Variants in LNP1 observed in about 807,000 individuals in gnomAD.
LNP1 encodes the protein leukemia NUP98 fusion partner 1.
In LNP1, 12 loss-of-function variants were observed where a neutral mutation model predicts 14.5. That is an observed-to-expected ratio of 0.83 (90% CI 0.53 to 1.34). LNP1 has a LOEUF of 1.34. LNP1 is among the 40% of genes most tolerant of loss of function. The probability of loss-of-function intolerance (pLI) is 0.00; values close to 1 mark genes in which losing one functional copy is unlikely to be tolerated. For missense variants in LNP1, 198 were observed against 210.9 expected, an observed-to-expected ratio of 0.94 and a Z score of 0.38; for synonymous variants, 75 against 71.4, an observed-to-expected ratio of 1.05 and a Z score of -0.26.
intron 1 of LNP1, among the ~76,000 whole-genome samples, chr3:100,423,533 A>G (rs1707165100): frequency 6.6e-6 from 1 of 152,228 alleles, no homozygotes; most frequent in East Asian, 1.9e-4. Flanking sequence ...TCATAATTGC[A>G]TAGTCTCCTA....
At chr3:100,413,491 A>G (rs1707049868) in intron 1 of LNP1, among the ~76,000 whole-genome samples, 1 of 152,186 alleles carries the variant, frequency 6.6e-6, no homozygotes, top group South Asian at 2.1e-4. Context: ...GCTCATATGT[A>G]TATTTTTATG....
intron 1 of LNP1, among the ~76,000 whole-genome samples, chr3:100,405,277 T>A (rs948272484): frequency 6.6e-6 from 1 of 152,208 alleles, no homozygotes; most frequent in Non-Finnish European, 1.5e-5. Context: ...AAATTCAACT[T>A]TGTTGTAATA....
chr3:100,454,435 T>C (rs1224478501), intron 3 of LNP1, among the ~76,000 whole-genome samples: 1 of 152,192 alleles, frequency 6.6e-6, no homozygotes, highest in Non-Finnish European at 1.5e-5. Flanking sequence ...AAGTGTTCTT[T>C]TTCAGTAAAT....
At chr3:100,423,179 A>G (rs935442603) in intron 1 of LNP1, among the ~76,000 whole-genome samples, 3 of 152,202 alleles carry the variant, frequency 2.0e-5, no homozygotes, top group Non-Finnish European at 4.4e-5. Context: ...AAAAGAAAAA[A>G]AGATGTAGCA....
At chr3:100,427,612 T>C (rs1386973074) in intron 1 of LNP1, among the ~76,000 whole-genome samples, 1 of 152,202 alleles carries the variant, frequency 6.6e-6, no homozygotes, top group Non-Finnish European at 1.5e-5. Flanking sequence ...AAATCCCACT[T>C]CTGATAGTAG....
intron 1 of LNP1, among the ~76,000 whole-genome samples, chr3:100,416,167 A>G (rs1027437783): frequency 1.3e-5 from 2 of 152,202 alleles, no homozygotes; most frequent in Admixed American, 1.3e-4. Context: ...TGATCACAAA[A>G]TGGCAATATT....
chr3:100,418,848 A>G (rs11709761), intron 1 of LNP1, among the ~76,000 whole-genome samples: 2,271 of 152,288 alleles, frequency 0.015, 27 homozygotes, highest in Middle Eastern at 0.041. Flanking sequence ...CCTTCTTACC[A>G]CAGGCTTTTT....
At chr3:100,424,003 C>G (rs1049230501) in intron 1 of LNP1, among the ~76,000 whole-genome samples, 1 of 152,150 alleles carries the variant, frequency 6.6e-6, no homozygotes, top group Admixed American at 6.5e-5. Flanking sequence ...TTGACACTTT[C>G]TGCTAGTGCT....
chr3:100,413,345 T>C (rs899754107), intron 1 of LNP1, among the ~76,000 whole-genome samples: 1 of 152,226 alleles, frequency 6.6e-6, no homozygotes, highest in Non-Finnish European at 1.5e-5. Flanking sequence ...TGGTACTGCT[T>C]CACTTCTCAG....
intron 1 of LNP1, among the ~76,000 whole-genome samples, chr3:100,416,859 T>C (rs998641386): frequency 6.6e-6 from 1 of 151,864 alleles, no homozygotes; most frequent in Non-Finnish European, 1.5e-5. Flanking sequence ...CATTAGGTAT[T>C]TGTCCTAATG....
intron 2 of LNP1, among the ~76,000 whole-genome samples, chr3:100,444,896 G>C (rs1707374750): frequency 6.6e-6 from 1 of 152,176 alleles, no homozygotes; most frequent in African/African-American, 2.4e-5. Flanking sequence ...GTCAGCTAAT[G>C]CTTCAAGAAA....
chr3:100,428,044 T>A (rs1399416901), intron 1 of LNP1, among the ~76,000 whole-genome samples: 1 of 152,236 alleles, frequency 6.6e-6, no homozygotes, highest in Non-Finnish European at 1.5e-5. Flanking sequence ...AATGCGAGAC[T>A]TCTCCAAGTT....
chr3:100,407,448 A>C (rs9872653), intron 1 of LNP1, among the ~76,000 whole-genome samples: 1 of 152,148 alleles, frequency 6.6e-6, no homozygotes, highest in African/African-American at 2.4e-5. Context: ...TCTGTTGAGA[A>C]ATCTGCTGCT....
Position 100,451,978 on chromosome 3 carries a change from G to A in LNP1, c.387+29G>A, listed in dbSNP as rs766880209. 3.6e-5 allele frequency: 55 copies of A among 1,509,508 alleles called. No homozygotes were observed. The Middle Eastern group carries it at 7.0e-4, about 19-fold the overall frequency. 93.5% of individuals were successfully genotyped at this position (1,509,508 alleles called of 1,614,324 possible). On this transcript the variant is annotated intron_variant, in intron 3 of 3. Coordinates refer to ENST00000383693, the MANE Select transcript of LNP1 (RefSeq NM_001085451.2). ...TGTAACAGAGCTACTGAATATTTAA[G>A]CCGCTTTAAAAAAGGAAACCCAAAG...
At chr3:100,429,925 A>T (rs376414154) in intron 2 of LNP1, 40 bp downstream of exon 2, 1 of 1,588,644 alleles carries the variant, frequency 6.3e-7, no homozygotes, top group South Asian at 1.1e-5. Flanking sequence ...GAGCTGGAAT[A>T]GGGGAGGGGG....
At chr3:100,430,909 G>A (rs1707236835) in intron 2 of LNP1, among the ~76,000 whole-genome samples, 3 of 152,260 alleles carry the variant, frequency 2.0e-5, no homozygotes, top group South Asian at 4.2e-4. Flanking sequence ...AAGGGCAATC[G>A]TCAACCCTTC....
chr3:100,449,918 G>A (rs2148908203), intron 2 of LNP1, among the ~76,000 whole-genome samples: 1 of 152,244 alleles, frequency 6.6e-6, no homozygotes, highest in South Asian at 2.1e-4. Flanking sequence ...AAGAAGGCAG[G>A]ACCTTAGCTA....
intron 2 of LNP1, among the ~76,000 whole-genome samples, chr3:100,446,487 C>G (rs1707387553): frequency 6.6e-6 from 1 of 152,048 alleles, no homozygotes; most frequent in African/African-American, 2.4e-5. Flanking sequence ...GACCTAAAAC[C>G]ATAAAAACCC....
At chr3:100,425,961 G>A (rs968159317) in intron 1 of LNP1, among the ~76,000 whole-genome samples, 10 of 152,146 alleles carry the variant, frequency 6.6e-5, no homozygotes, top group Non-Finnish European at 1.5e-4. Context: ...ATCCATCATT[G>A]CAAATTTCAA....
Sources: gnomAD v4.1 joint callset for allele counts (sites outside exome capture counted in the v4.1 genomes callset) on GRCh38, gnomAD v4.1.1 for gene constraint, MANE v1.5 for transcripts, NCBI Gene and HGNC (gene_info 2026-07-23, HGNC 2026-07-21) for gene names.